The following SCARB1 variants were observed in gnomAD, a reference collection of about 807,000 sequenced individuals.
SCARB1 encodes CD36 and LIMPII analogous 1.
SCARB1 carries 30 observed loss-of-function variants against 57.2 expected under a neutral mutation model. That is an observed-to-expected ratio of 0.52 (90% CI 0.39 to 0.71). The LOEUF (loss-of-function observed/expected upper bound fraction) is 0.71, where lower values mean the gene tolerates loss of function less well. Among genes scored for constraint, SCARB1 ranks in the 30% least tolerant of loss-of-function variants. SCARB1 has a pLI of 0.00. For missense variants in SCARB1, 543 were observed against 671.2 expected (o/e 0.81, Z 2.11); for synonymous variants, 249 against 268.3 (o/e 0.93, Z 0.70).
chr12:124,837,062 A>C (rs1951676304), intron 1 of SCARB1, among the ~76,000 whole-genome samples: 1 of 152,134 alleles, frequency 6.6e-6, no homozygotes, highest in African/African-American at 2.4e-5. Context: ...CACAGAGATG[A>C]ATCAAGCACA....
intron 1 of SCARB1, among the ~76,000 whole-genome samples, chr12:124,843,888 C>T (rs1030267411): frequency 2.0e-5 from 3 of 152,306 alleles, no homozygotes; most frequent in East Asian, 1.9e-4. Context: ...TGCTGCACCA[C>T]GTACCCTCAC....
At chr12:124,815,477 G>A (rs909921512) in intron 2 of SCARB1, among the ~76,000 whole-genome samples, 29 of 152,226 alleles carry the variant, frequency 1.9e-4, no homozygotes, top group Non-Finnish European at 4.3e-4. Flanking sequence ...GAGAAAGCAC[G>A]AGGTAAACAT....
chr12:124,785,293 GCAC>G (rs1949472967), intron 11 of SCARB1: 1 of 152,590 alleles, frequency 6.6e-6, no homozygotes, highest in Admixed American at 6.5e-5. Context: ...TGCTCACTGT[GCAC>G]CACGAGGCCC....
intron 1 of SCARB1, among the ~76,000 whole-genome samples, chr12:124,829,575 G>C (rs1951304058): frequency 6.6e-6 from 1 of 152,090 alleles, no homozygotes; most frequent in Non-Finnish European, 1.5e-5. Context: ...AGCCACACTG[G>C]CCTTGCTGTG....
Position 124,778,321 on chromosome 12 carries a change from G to T in SCARB1, c.*266C>A. 2.4e-6 allele frequency: 2 copies of T among 819,644 alleles called. No homozygotes were observed. Among genetic ancestry groups the T allele is most frequent in the South Asian group, 5.8e-5 (1 of 17,096 alleles). 50.8% of individuals were successfully genotyped at this position (819,644 alleles called of 1,614,324 possible). On this transcript the variant is annotated 3_prime_UTR_variant, in exon 13 of 13. Transcript: ENST00000261693. ...TGGGCCACGTGGAGAGAAGGTTCCA[G>T]AACAGTGCTTGTTGACGAGCCTCTC... is the stretch of plus-strand genomic sequence containing the variant.
chr12:124,820,803 G>T (rs1950927195), intron 1 of SCARB1, among the ~76,000 whole-genome samples: 1 of 152,222 alleles, frequency 6.6e-6, no homozygotes, highest in African/African-American at 2.4e-5. Context: ...GGGCAGGAGG[G>T]AACCGTAGAG....
chr12:124,794,281 AT>A (rs762408996), intron 9 of SCARB1, among the ~76,000 whole-genome samples: 2 of 148,838 alleles, frequency 1.3e-5, no homozygotes, highest in Admixed American at 6.7e-5. Context: ...TAGGGGGGTT[AT>A]TTTTTTTATT....
Position 124,807,088 on chromosome 12 carries a change from C to T in SCARB1, c.1009+673G>A, listed in dbSNP as rs1030679972. On this transcript the variant is annotated intron_variant, in intron 7 of 12. Coordinates refer to ENST00000261693, the MANE Select transcript of SCARB1 (RefSeq NM_005505.5). This position sits in a 1 kb window ranked among gnomAD's most constrained non-coding sequence, Gnocchi z 5.3. ...TGGTGGTGCACGCCTGTGGTCCCAA[C>T]TACTCGGGAGGCTGAGGTGGGAGGA... 1.3e-5 allele frequency among the ~76,000 whole-genome samples: 2 copies of T among 152,126 alleles called. No individual in the cohort carries two copies. Among genetic ancestry groups the T allele is most frequent in the African/African-American group, 4.8e-5 (2 of 41,422 alleles).
chr12:124,790,803 C>T (rs956257910), intron 9 of SCARB1, among the ~76,000 whole-genome samples: 1 of 152,198 alleles, frequency 6.6e-6, no homozygotes, highest in African/African-American at 2.4e-5. Context: ...CCACCTGGGC[C>T]GCTGTGCAGG....
intron 1 of SCARB1, among the ~76,000 whole-genome samples, chr12:124,832,239 C>T (rs776446852): frequency 2.6e-5 from 4 of 152,152 alleles, no homozygotes; most frequent in African/African-American, 4.8e-5. Context: ...TGTTCTAGGC[C>T]GGGCGCGGTG....
intron 7 of SCARB1, among the ~76,000 whole-genome samples, chr12:124,801,924 G>A (rs1044563662): frequency 1.4e-4 from 22 of 152,120 alleles, no homozygotes; most frequent in African/African-American, 5.1e-4. Context: ...GCCGAGGCGG[G>A]TGGACCAGTT....
intron 1 of SCARB1, among the ~76,000 whole-genome samples, chr12:124,854,008 A>G (rs916510946): frequency 3.3e-5 from 5 of 152,224 alleles, no homozygotes; most frequent in East Asian, 1.9e-4. Context: ...GGTCACGGCA[A>G]CGAATAACAC....
intron 11 of SCARB1, chr12:124,784,399 G>C (rs1280735110): frequency 6.6e-6 from 1 of 152,246 alleles, no homozygotes; most frequent in East Asian, 1.9e-4. Flanking sequence ...TCAAACGCTA[G>C]AGCAGCAACA....
intron 10 of SCARB1, 124 bp downstream of exon 10, chr12:124,787,282 C>T: frequency 1.2e-6 from 1 of 830,840 alleles, no homozygotes; most frequent in South Asian, 1.5e-5. Flanking sequence ...TGGTCCATGT[C>T]ACAGTCCGGT....
intron 1 of SCARB1, among the ~76,000 whole-genome samples, chr12:124,844,721 C>T (rs1407628270): frequency 6.6e-6 from 1 of 152,142 alleles, no homozygotes; most frequent in Non-Finnish European, 1.5e-5. Flanking sequence ...GCCCTGCCAA[C>T]ATCCTGATCT....
chr12:124,784,622 G>A (rs1949445126), intron 11 of SCARB1: 2 of 152,710 alleles, frequency 1.3e-5, no homozygotes, highest in South Asian at 2.1e-4. Context: ...GCTAAAGGAA[G>A]CAGGTGCTGC....
At chr12:124,801,940 TG>T (rs1156713109) in intron 7 of SCARB1, among the ~76,000 whole-genome samples, 2 of 151,552 alleles carry the variant, frequency 1.3e-5, no homozygotes, top group East Asian at 1.9e-4. Flanking sequence ...CAGTTGAGGT[TG>T]GGAGTTCACG....
intron 1 of SCARB1, among the ~76,000 whole-genome samples, chr12:124,823,284 G>A (rs1298232402): frequency 2.0e-5 from 3 of 152,308 alleles, no homozygotes; most frequent in East Asian, 3.9e-4. Flanking sequence ...AAACTATAAT[G>A]TGAAATTTTA....
At position 124,789,864 on chromosome 12, in the gene SCARB1, G is replaced by A. The variant is rs1180053779; in HGVS notation, c.1203-2407C>T. On this transcript the variant is annotated intron_variant, in intron 9 of 12. Coordinates refer to ENST00000261693, the MANE Select transcript of SCARB1 (RefSeq NM_005505.5). The surrounding 1 kb of genome is among the most constrained non-coding windows in gnomAD (Gnocchi z 4.4). Reference sequence around the variant, plus strand: ...CATCTCTACTAAAAATATAAAAATTGGCCGGACGTGGTGGCACATGCCTGT... The same window carrying A: ...CATCTCTACTAAAAATATAAAAATTAGCCGGACGTGGTGGCACATGCCTGT... Among the ~76,000 whole-genome samples, 1 of 151,758 alleles carries A rather than the reference G, an allele frequency of 6.6e-6. No homozygotes were observed. The highest frequency in any genetic ancestry group is 2.4e-5 in the African/African-American group (1 of 41,326).
Sources: gnomAD v4.1 joint callset for allele counts (sites outside exome capture counted in the v4.1 genomes callset) on GRCh38, gnomAD v4.1.1 for gene constraint, Gnocchi (gnomAD v3.1) non-coding constraint, MANE v1.5 for transcripts, NCBI Gene and HGNC (gene_info 2026-07-23, HGNC 2026-07-21) for gene names.